Variants in GNAQ observed in about 807,000 individuals in gnomAD.
The protein encoded by GNAQ is G protein subunit alpha q.
A neutral mutation model predicts 43.9 loss-of-function variants in GNAQ; 8 were observed. The observed-to-expected ratio is 0.18, with a 90% CI of 0.11 to 0.33. GNAQ has a LOEUF of 0.33. GNAQ is among the 10% of genes least tolerant of loss of function. The pLI, the probability that GNAQ is intolerant of heterozygous loss-of-function variation, is 1.00. For missense variants in GNAQ, 158 were observed against 450.8 expected, an observed-to-expected ratio of 0.35 and a Z score of 5.88; for synonymous variants, 155 against 170.7, an observed-to-expected ratio of 0.91 and a Z score of 0.71.
chr9:77,948,347 G>C (rs1298022584), intron 1 of GNAQ, among the ~76,000 whole-genome samples: 2 of 152,192 alleles, frequency 1.3e-5, no homozygotes, highest in African/African-American at 4.8e-5. Flanking sequence ...CTGGACTGCA[G>C]GCTCACTATC....
chr9:77,733,304 G>A (rs769459659), intron 5 of GNAQ, among the ~76,000 whole-genome samples: 11 of 152,146 alleles, frequency 7.2e-5, no homozygotes, highest in African/African-American at 1.7e-4. Context: ...CAAGATCTCC[G>A]ATATCCTGAA....
intron 2 of GNAQ, among the ~76,000 whole-genome samples, chr9:77,838,922 GA>G (rs945811216): frequency 3.4e-5 from 5 of 149,078 alleles, no homozygotes; most frequent in East Asian, 2.0e-4. Flanking sequence ...CTCTGATGAG[GA>G]AAAAAAAAAT....
At chr9:77,916,658 C>T (rs1027872530) in intron 2 of GNAQ, among the ~76,000 whole-genome samples, 2 of 152,128 alleles carry the variant, frequency 1.3e-5, no homozygotes, top group Admixed American at 1.3e-4. Flanking sequence ...ACACAGGTGT[C>T]AGGCCTCAAA....
intron 1 of GNAQ, among the ~76,000 whole-genome samples, chr9:78,006,120 A>G (rs936037418): frequency 6.6e-6 from 1 of 152,200 alleles, no homozygotes; most frequent in East Asian, 1.9e-4. Flanking sequence ...TAAATGCCCT[A>G]GCTAATTCCC....
intron 1 of GNAQ, among the ~76,000 whole-genome samples, chr9:77,961,097 A>G (rs944785748): frequency 6.6e-6 from 1 of 152,222 alleles, no homozygotes; most frequent in African/African-American, 2.4e-5. Context: ...TAAAATAACA[A>G]AAGTAGATGC....
intron 5 of GNAQ, among the ~76,000 whole-genome samples, chr9:77,753,109 AAAAG>A (rs1825841632): frequency 1.3e-5 from 2 of 151,052 alleles, no homozygotes; most frequent in Non-Finnish European, 2.9e-5. Flanking sequence ...AAAAAAAAGA[AAAAG>A]GAAAAAAAGA....
At chr9:78,030,593 T>C (rs1239741057) in intron 1 of GNAQ, 2 of 468,058 alleles carry the variant, frequency 4.3e-6, no homozygotes, top group Non-Finnish European at 8.9e-6. Flanking sequence ...GCACTGATAA[T>C]GGATGCACAC....
chr9:77,806,124 AAAC>A (rs1033082764), intron 3 of GNAQ, among the ~76,000 whole-genome samples: 1 of 152,212 alleles, frequency 6.6e-6, no homozygotes, highest in Non-Finnish European at 1.5e-5. Flanking sequence ...AACGAAAACA[AAAC>A]AACAATAGCA....
At chr9:77,767,647 C>T (rs1178314686) in intron 5 of GNAQ, among the ~76,000 whole-genome samples, 1 of 152,166 alleles carries the variant, frequency 6.6e-6, no homozygotes, top group East Asian at 1.9e-4. Flanking sequence ...TGGGATGAGA[C>T]TATTGATACC....
intron 1 of GNAQ, among the ~76,000 whole-genome samples, chr9:77,976,156 C>A (rs181141654): frequency 6.6e-6 from 1 of 152,182 alleles, no homozygotes; most frequent in Non-Finnish European, 1.5e-5. Context: ...TTGTCTTCCA[C>A]CTGCTTCTAA....
At chr9:77,760,857 C>T (rs1825992299) in intron 5 of GNAQ, among the ~76,000 whole-genome samples, 1 of 149,166 alleles carries the variant, frequency 6.7e-6, no homozygotes, top group Admixed American at 6.7e-5. Flanking sequence ...CTTTGCGCCA[C>T]CGCCCCGTCT....
intron 1 of GNAQ, among the ~76,000 whole-genome samples, chr9:78,025,053 C>T (rs1046526125): frequency 1.3e-5 from 2 of 152,134 alleles, no homozygotes; most frequent in East Asian, 1.9e-4. Context: ...TTGGGATTCT[C>T]GGCACTGCAA....
chr9:77,735,037 G>A (rs1012489053), intron 5 of GNAQ, among the ~76,000 whole-genome samples: 7 of 152,064 alleles, frequency 4.6e-5, no homozygotes, highest in African/African-American at 1.2e-4. Context: ...GACGAAACAC[G>A]CTGATACCAG....
intron 3 of GNAQ, among the ~76,000 whole-genome samples, chr9:77,806,546 C>A (rs751852484): frequency 1.3e-5 from 2 of 152,150 alleles, no homozygotes; most frequent in Non-Finnish European, 2.9e-5. Context: ...TTGTGAGCTG[C>A]TAATGATGAA....
chr9:77,880,803 T>C (rs1828196238), intron 2 of GNAQ, among the ~76,000 whole-genome samples: 1 of 152,124 alleles, frequency 6.6e-6, no homozygotes, highest in Non-Finnish European at 1.5e-5. Flanking sequence ...TGTTTTTCAC[T>C]GCATGGAGTA....
chr9:77,898,659 G>A (rs1458117443), intron 2 of GNAQ, among the ~76,000 whole-genome samples: 1 of 151,968 alleles, frequency 6.6e-6, no homozygotes, highest in South Asian at 2.1e-4. Context: ...ACAGATGGAA[G>A]AACAAGTGAA....
intron 1 of GNAQ, among the ~76,000 whole-genome samples, chr9:78,004,352 T>A (rs1379555549): frequency 6.6e-6 from 1 of 151,756 alleles, no homozygotes; most frequent in African/African-American, 2.4e-5. Flanking sequence ...ATTTACAGCA[T>A]CACCATTCTC....
intron 1 of GNAQ, among the ~76,000 whole-genome samples, chr9:77,961,703 T>A: frequency 6.6e-6 from 1 of 152,176 alleles, no homozygotes; most frequent in Admixed American, 6.5e-5. Flanking sequence ...ACTGAAGTGA[T>A]CCCAAGTAAA....
chr9:77,864,889 T>C (rs562052281), intron 2 of GNAQ, among the ~76,000 whole-genome samples: 3 of 152,322 alleles, frequency 2.0e-5, no homozygotes, highest in East Asian at 3.9e-4. Flanking sequence ...GTGGTTTCCA[T>C]ACCCATGCCT....
Sources: allele counts gnomAD v4.1 joint callset (sites outside exome capture counted in the v4.1 genomes callset), GRCh38; gene constraint gnomAD v4.1.1; transcripts MANE v1.5; gene names NCBI Gene and HGNC (gene_info 2026-07-23, HGNC 2026-07-21).